Variants in ADCY10 observed in about 807,000 individuals in gnomAD.
ADCY10 encodes the protein adenylate cyclase type 10.
Under a neutral mutation model 183.3 loss-of-function variants are expected in ADCY10, and 156 were observed. That is an observed-to-expected ratio of 0.85 (90% CI 0.75 to 0.97). The LOEUF (loss-of-function observed/expected upper bound fraction) is 0.97. Ranked by LOEUF, ADCY10 falls within the 50% of genes least tolerant of loss-of-function variation. The probability of loss-of-function intolerance (pLI) is 0.00; values close to 1 mark genes in which losing one functional copy is unlikely to be tolerated. For missense variants in ADCY10, 1,745 were observed against 1,934.3 expected (o/e 0.90, Z 1.84); for synonymous variants, 645 against 670.0 (o/e 0.96, Z 0.58).
chr1:167,810,389 T>G (rs1439587888), intron 32 of ADCY10, among the ~76,000 whole-genome samples: 4 of 152,082 alleles, frequency 2.6e-5, no homozygotes. Context: ...GTATTAAGAG[T>G]TGGGCCTTTG....
chr1:167,823,147 C>T, intron 28 of ADCY10, 24 bp from the exon 29 acceptor site: 1 of 1,602,546 alleles, frequency 6.2e-7, no homozygotes, highest in Non-Finnish European at 8.5e-7. Flanking sequence ...AAGGTAGTGG[C>T]CATTAAAAAG....
intron 25 of ADCY10, 41 bp downstream of exon 25, chr1:167,832,946 G>A: frequency 6.2e-7 from 1 of 1,604,192 alleles, no homozygotes; most frequent in Non-Finnish European, 8.5e-7. Context: ...TCTCTGGGGA[G>A]TGAGACTAAA....
intron 9 of ADCY10, among the ~76,000 whole-genome samples, chr1:167,881,866 T>C (rs1162933249): frequency 1.3e-5 from 2 of 152,214 alleles, no homozygotes; most frequent in Non-Finnish European, 2.9e-5. Flanking sequence ...GGGTCAGTAT[T>C]GAAGAAGGTA....
chr1:167,902,056 T>C lies in ADCY10; in HGVS notation c.254-2A>G. 6.3e-7 allele frequency: 1 copy of C among 1,596,254 alleles called. No homozygotes were observed. Among genetic ancestry groups the C allele is most frequent in the Non-Finnish European group, 8.5e-7 (1 of 1,176,298 alleles). On this transcript the variant is annotated splice_acceptor_variant, in intron 3 of 32. Coordinates refer to ENST00000367851, the MANE Select transcript of ADCY10 (RefSeq NM_018417.6). LOFTEE classifies it high-confidence loss of function. ...TGTCTCCTCCAAAAATCAACACTTC[T>C]GAGAAAAAAAAAAAAAATTAAATCA...
chr1:167,880,549 G>A lies in ADCY10; in HGVS notation c.1081C>T (p.His361Tyr). ...PGEKVPDELTHALECAMDIFD... is the reference protein window; with the variant it reads ...PGEKVPDELTYALECAMDIFD... ...ATATCCATAGCACATTCCAGAGCAT[G>A]AGTGAGCTCGTCAGGTACCTTTTCC... is the stretch of plus-strand genomic sequence containing the variant. The change falls in exon 10 of 33, where the codon CAT (histidine) becomes TAT (tyrosine). Residue 361 changes from histidine (H) to tyrosine (Y), a missense_variant. By Grantham distance (83) the His-to-Tyr change is moderately conservative. Transcript: ENST00000367851. 3 of 1,614,196 alleles carry A rather than the reference G, an allele frequency of 1.9e-6. No individual in the cohort carries two copies. The South Asian group carries it at 3.3e-5, about 18-fold the overall frequency.
intron 19 of ADCY10, among the ~76,000 whole-genome samples, chr1:167,847,402 A>G (rs1335871248): frequency 1.5e-5 from 2 of 137,930 alleles, no homozygotes; most frequent in Non-Finnish European, 3.2e-5. Context: ...GAATAATAAT[A>G]CATCTTTCTT....
In ADCY10 at chr1:167,856,227, G is replaced by A. The variant is rs1445587333; in HGVS notation, c.2109C>T (p.Asn703=). 5.0e-6 allele frequency: 8 copies of A among 1,613,752 alleles called. No individual in the cohort carries two copies. Among genetic ancestry groups the A allele is most frequent in the East Asian group, 4.5e-5 (2 of 44,890 alleles). The change falls in exon 17 of 33, where the codon AAC becomes AAT. Residue 703 remains asparagine (N), a synonymous_variant. Coordinates refer to ENST00000367851, the MANE Select transcript of ADCY10 (RefSeq NM_018417.6). ...TYIVIGAVQP[N]DISNKICLDL... Reference sequence around the variant, plus strand: ...CAAGACAGATCTTGTTGGAGATGTCGTTAGGCTGTACTGCACCAATGACAA... The same window carrying A: ...CAAGACAGATCTTGTTGGAGATGTCATTAGGCTGTACTGCACCAATGACAA...
intron 7 of ADCY10, among the ~76,000 whole-genome samples, chr1:167,894,619 A>ATGTGTGTG (rs138742358): frequency 6.6e-6 from 1 of 151,234 alleles, no homozygotes; most frequent in Non-Finnish European, 1.5e-5. Context: ...GTGAAAAAAA[A>ATGTGTGTG]TGTGTGTGTG....
intron 26 of ADCY10, 146 bp downstream of exon 26, chr1:167,829,121 G>A (rs1663524640): frequency 1.2e-6 from 1 of 864,734 alleles, no homozygotes; most frequent in Non-Finnish European, 1.8e-6. Context: ...AAGTGTTTGA[G>A]AACTGCTGGC....
intron 16 of ADCY10, among the ~76,000 whole-genome samples, chr1:167,857,360 A>G (rs1665983659): frequency 6.6e-6 from 1 of 152,226 alleles, no homozygotes. Context: ...CCGTTCTGTC[A>G]CCAAATACTT....
rs12754863 is a variant in ADCY10, at chr1:167,883,142, A to T, written c.1020+295T>A. Among the ~76,000 whole-genome samples, 43,149 of 152,172 alleles carry T rather than the reference A, an allele frequency of 0.28. 6,274 individuals carry two copies. Among genetic ancestry groups the T allele is most frequent in the Middle Eastern group, 0.38 (113 of 294 alleles). On this transcript the variant is annotated intron_variant, in intron 9 of 32. Coordinates refer to ENST00000367851, the MANE Select transcript of ADCY10 (RefSeq NM_018417.6). ...AACCTCCGCCTCTCAGGTTCAAGCC[A>T]TTGTCCTGCCTCAGCCTCCTGAGTA...
intron 14 of ADCY10, among the ~76,000 whole-genome samples, chr1:167,868,582 C>T (rs2102129132): frequency 6.6e-6 from 1 of 152,172 alleles, no homozygotes; most frequent in African/African-American, 2.4e-5. Context: ...CTAGGCTATA[C>T]TGGATACGTG....
chr1:167,859,545 A>G (rs1273556252), intron 16 of ADCY10, among the ~76,000 whole-genome samples: 1 of 152,182 alleles, frequency 6.6e-6, no homozygotes, highest in East Asian at 1.9e-4. Context: ...TTATATCTCA[A>G]CAAAGGATGA....
At chr1:167,881,064 A>G (rs1428788814) in intron 9 of ADCY10, among the ~76,000 whole-genome samples, 1 of 152,234 alleles carries the variant, frequency 6.6e-6, no homozygotes, top group East Asian at 1.9e-4. Flanking sequence ...GAAAATGGAT[A>G]TACTGTAGAC....
rs796611031 is a variant in ADCY10 at position 167,830,428 on chromosome 1, G to C, written c.3594-1005C>G. 1.3e-3 allele frequency among the ~76,000 whole-genome samples: 198 copies of C among 150,832 alleles called. 1 individual carries two copies. The highest frequency in any genetic ancestry group is 4.6e-3 in the African/African-American group (188 of 41,072). On this transcript the variant is annotated intron_variant, in intron 25 of 32. Coordinates refer to ENST00000367851, the MANE Select transcript of ADCY10 (RefSeq NM_018417.6). ...TTTTTTGTTTTTTGAGCCTCGCTCTGTTGTCCAGGTTGGAGTGCAGTGGCA... is the reference window on the plus strand; with the variant it reads ...TTTTTTGTTTTTTGAGCCTCGCTCTCTTGTCCAGGTTGGAGTGCAGTGGCA...
At chr1:167,865,526 TAAC>T (rs1295842982) in intron 14 of ADCY10, among the ~76,000 whole-genome samples, 3 of 152,186 alleles carry the variant, frequency 2.0e-5, no homozygotes, top group Non-Finnish European at 4.4e-5. Flanking sequence ...TTAACATTAA[TAAC>T]ACACTAATAT....
intron 21 of ADCY10, among the ~76,000 whole-genome samples, chr1:167,840,113 T>A (rs1664506970): frequency 6.6e-6 from 1 of 151,276 alleles, no homozygotes; most frequent in Admixed American, 6.6e-5. Context: ...GTGCCTGTAG[T>A]CCCACCTACT....
At chr1:167,849,538 C>T (rs991796793) in intron 18 of ADCY10, among the ~76,000 whole-genome samples, 1 of 152,180 alleles carries the variant, frequency 6.6e-6, no homozygotes, top group African/African-American at 2.4e-5. Flanking sequence ...CACCAGAGTT[C>T]ACATCAATAC....
intron 1 of ADCY10, among the ~76,000 whole-genome samples, chr1:167,907,720 A>C (rs1006702288): frequency 3.3e-5 from 5 of 152,254 alleles, no homozygotes; most frequent in Admixed American, 2.6e-4. Flanking sequence ...GCAAGCCAAC[A>C]TTATTTCCTA....
Sources: allele counts gnomAD v4.1 joint callset (sites outside exome capture counted in the v4.1 genomes callset), GRCh38; gene constraint gnomAD v4.1.1; transcripts MANE v1.5; gene names NCBI Gene and HGNC (gene_info 2026-07-23, HGNC 2026-07-21).